Variants in STAT5B observed in about 807,000 individuals in gnomAD.
STAT5B encodes the protein signal transducer and activator of transcription 5B, also known as transcription factor STAT5B.
STAT5B carries 21 observed loss-of-function variants against 107.8 expected under a neutral mutation model. The observed-to-expected ratio is 0.19, with a 90% CI of 0.14 to 0.28. STAT5B has a LOEUF of 0.28. Ranked by LOEUF, STAT5B falls within the 10% of genes least tolerant of loss-of-function variation. The probability of loss-of-function intolerance (pLI) is 1.00; values close to 1 mark genes in which losing one functional copy is unlikely to be tolerated. For synonymous variants in STAT5B, 325 were observed against 401.7 expected (o/e 0.81, Z 2.28); for missense variants, 565 against 1,008.2 (o/e 0.56, Z 5.95).
chr17:42,269,151 GT>G (rs1364515510), intron 1 of STAT5B, among the ~76,000 whole-genome samples: 2 of 152,156 alleles, frequency 1.3e-5, no homozygotes, highest in East Asian at 3.9e-4. Flanking sequence ...TCGGCTCACT[GT>G]AACCTCTGCC....
At chr17:42,232,840 G>GTTTTTTT (rs931007817) in intron 1 of STAT5B, among the ~76,000 whole-genome samples, 1 of 133,336 alleles carries the variant, frequency 7.5e-6, no homozygotes, top group African/African-American at 2.8e-5. Context: ...TTAGCAGAGA[G>GTTTTTTT]TTTTTTTTTT....
At chr17:42,212,487 A>C (rs2080137519) in intron 12 of STAT5B, among the ~76,000 whole-genome samples, 1 of 152,234 alleles carries the variant, frequency 6.6e-6, no homozygotes, top group Non-Finnish European at 1.5e-5. Flanking sequence ...AACATAACCA[A>C]GGTCTGGCTC....
intron 2 of STAT5B, among the ~76,000 whole-genome samples, 187 bp from the exon 3 acceptor site, chr17:42,227,872 G>C (rs2080287036): frequency 1.3e-5 from 2 of 152,046 alleles, no homozygotes; most frequent in Admixed American, 6.6e-5. Flanking sequence ...TTACTAAATA[G>C]TTGGATTATA....
the STAT5B span, among the ~76,000 whole-genome samples, chr17:42,283,466 A>C: frequency 3.4e-3 from 523 of 152,294 alleles, 3 homozygotes; most frequent in African/African-American, 0.012. Flanking sequence ...CCTCTCCCCC[A>C]GGGCAGGCAG....
intron 1 of STAT5B, among the ~76,000 whole-genome samples, chr17:42,242,146 G>C (rs990930276): frequency 6.6e-6 from 1 of 152,204 alleles, no homozygotes; most frequent in African/African-American, 2.4e-5. Context: ...AGGGGAAAAG[G>C]GTAAGGGAGG....
At chr17:42,201,971 G>A (rs1035119308) in intron 18 of STAT5B, 107 bp from the exon 19 acceptor site, 2 of 1,059,342 alleles carry the variant, frequency 1.9e-6, no homozygotes, top group African/African-American at 3.2e-5. Flanking sequence ...TATGCCCTCA[G>A]CCTGGGGCTT....
intron 13 of STAT5B, among the ~76,000 whole-genome samples, chr17:42,210,778 T>C (rs1181621874): frequency 6.6e-6 from 1 of 152,218 alleles, no homozygotes; most frequent in Non-Finnish European, 1.5e-5. Flanking sequence ...TTTCGATGTG[T>C]GGTCTGTGAC....
intron 1 of STAT5B, among the ~76,000 whole-genome samples, chr17:42,273,476 T>C (rs7223228): frequency 0.36 from 54,207 of 152,076 alleles, 10,831 homozygotes; most frequent in African/African-American, 0.54. Flanking sequence ...AAGTTTCAAA[T>C]TATCAGAAAA....
intron 1 of STAT5B, among the ~76,000 whole-genome samples, chr17:42,252,515 T>C (rs1281780192): frequency 4.6e-5 from 7 of 152,216 alleles, no homozygotes. Flanking sequence ...TATTTAGTAA[T>C]TGTGTATTGA....
rs1482369827 is a variant in STAT5B, at chr17:42,207,658, G to C, written c.1977C>G (p.Arg659=). 6.2e-7 allele frequency: 1 copy of C among 1,614,162 alleles called. No homozygotes were observed. Among genetic ancestry groups the C allele is most frequent in the Non-Finnish European group, 8.5e-7 (1 of 1,180,040 alleles). The part of the protein sequence containing the change: ...RDFSIRSLAD[R]LGDLNYLIYV... ...AGATAAGGTAATTCAAGTCTCCCAA[G>C]CGGTCGGCTAGGGACCGAATGGAGA... Residue 659 remains arginine (R), a synonymous_variant, in exon 16 of 19, where the codon CGC becomes CGG. Coordinates refer to ENST00000293328, the MANE Select transcript of STAT5B (RefSeq NM_012448.4).
Position 42,236,940 on chromosome 17 carries a change from G to A in STAT5B, c.-10-4803C>T, listed in dbSNP as rs566688487. Among the ~76,000 whole-genome samples, 32 of 152,244 alleles carry A rather than the reference G, an allele frequency of 2.1e-4. 1 individual carries two copies. The highest frequency in any genetic ancestry group is 7.0e-4 in the African/African-American group (29 of 41,522). Reference sequence around the variant, plus strand: ...GCCATCTTCTGCTTATTTACGGGCAGCTCCAATTTCAGTGCGTGATGCTCA... The same window carrying A: ...GCCATCTTCTGCTTATTTACGGGCAACTCCAATTTCAGTGCGTGATGCTCA... On this transcript the variant is annotated intron_variant, in intron 1 of 18. Coordinates refer to ENST00000293328, the MANE Select transcript of STAT5B (RefSeq NM_012448.4).
intron 1 of STAT5B, among the ~76,000 whole-genome samples, chr17:42,263,003 TATATATATATATAA>T (rs1313278062): frequency 0.045 from 2,151 of 48,038 alleles, 121 homozygotes; most frequent in African/African-American, 0.12. Context: ...TATATATATA[TATATATATATATAA>T]AAAAACAAAA....
intron 5 of STAT5B, among the ~76,000 whole-genome samples, chr17:42,220,715 G>A (rs995003395): frequency 8.5e-5 from 13 of 152,118 alleles, no homozygotes; most frequent in African/African-American, 2.4e-4. Context: ...GAAGGGAGGC[G>A]GCTTCCCTCC....
intron 1 of STAT5B, among the ~76,000 whole-genome samples, chr17:42,252,890 C>T (rs569293926): frequency 1.3e-5 from 2 of 152,322 alleles, no homozygotes; most frequent in East Asian, 3.9e-4. Flanking sequence ...AGCAAACTAA[C>T]CTTTCTTTTA....
chr17:42,280,908 G>A (rs2080792692), upstream of STAT5B, among the ~76,000 whole-genome samples: 1 of 152,138 alleles, frequency 6.6e-6, no homozygotes, highest in East Asian at 1.9e-4. Flanking sequence ...GCCGAGGCGG[G>A]TGGGTCAGGA....
In STAT5B at chr17:42,276,029, G is replaced by A. The variant is rs1181325399; in HGVS notation, c.-11+219C>T. 6.6e-6 allele frequency among the ~76,000 whole-genome samples: 1 copy of A among 150,728 alleles called. No homozygotes were observed. Among genetic ancestry groups the A allele is most frequent in the Non-Finnish European group, 1.5e-5 (1 of 67,594 alleles). ...GCCGCGGCGTTCGCAAGTCCCCCTC[G>A]CGCACCCCGCATTGCCCTCAGCCTC... is the stretch of plus-strand genomic sequence containing the variant. On this transcript the variant is annotated intron_variant, in intron 1 of 18. Transcript: ENST00000293328. The surrounding 1 kb of genome is among the most constrained non-coding windows in gnomAD (Gnocchi z 4.8).
chr17:42,287,243 G>C, the STAT5B span, among the ~76,000 whole-genome samples: 9 of 151,928 alleles, frequency 5.9e-5, no homozygotes, highest in African/African-American at 2.2e-4. Context: ...AACTGGGAGA[G>C]GTAGTAAGGG....
rs2080357308 is a variant in STAT5B, at chr17:42,236,485, A to C, written c.-10-4348T>G. Among the ~76,000 whole-genome samples the C allele has an allele frequency of 3.9e-5, 6 of 152,336 alleles. No individual in the cohort carries two copies. The South Asian group carries it at 1.2e-3, about 32-fold the overall frequency. On this transcript the variant is annotated intron_variant, in intron 1 of 18. Transcript: ENST00000293328. Reference sequence around the variant, plus strand: ...GAGACGGAGTCTCACTCTGTCGCCTAGGCTGGAGTGCAGTGGCATGATCTC... The same window carrying C: ...GAGACGGAGTCTCACTCTGTCGCCTCGGCTGGAGTGCAGTGGCATGATCTC...
Position 42,202,735 on chromosome 17 carries a change from C to T in STAT5B, c.2129+22G>A, listed in dbSNP as rs553995736. 2.5e-6 allele frequency: 4 copies of T among 1,613,642 alleles called. No homozygotes were observed. The East Asian group carries it at 8.9e-5, about 36-fold the overall frequency. ...GAGGAGGAAAGAGGCAGAAGGAGAG[C>T]CACAGCCACCTGGACACTTACTCAG... On this transcript the variant is annotated intron_variant, in intron 17 of 18. Transcript: ENST00000293328.
Sources: gnomAD v4.1 joint callset for allele counts (sites outside exome capture counted in the v4.1 genomes callset) on GRCh38, gnomAD v4.1.1 for gene constraint, Gnocchi (gnomAD v3.1) non-coding constraint, MANE v1.5 for transcripts, NCBI Gene and HGNC (gene_info 2026-07-23, HGNC 2026-07-21) for gene names.